Variants in SUGCT observed in about 807,000 individuals in gnomAD.
SUGCT encodes the protein succinyl-CoA:glutarate CoA-transferase.
In SUGCT, 41 loss-of-function variants were observed where a neutral mutation model predicts 55.0. The observed-to-expected ratio is 0.74, with a 90% confidence interval of 0.58 to 0.97. The LOEUF (loss-of-function observed/expected upper bound fraction) is 0.97. Ranked by LOEUF, SUGCT falls within the 50% of genes least tolerant of loss-of-function variation. The pLI, the probability that SUGCT is intolerant of heterozygous loss-of-function variation, is 0.00. For missense variants in SUGCT, 568 were observed against 547.8 expected (o/e 1.04, Z -0.37); for synonymous variants, 187 against 200.4 (o/e 0.93, Z 0.56).
intron 9 of SUGCT, among the ~76,000 whole-genome samples, chr7:40,385,920 TA>T (rs1165612291): frequency 6.6e-6 from 1 of 152,222 alleles, no homozygotes; most frequent in African/African-American, 2.4e-5. Flanking sequence ...TAACAATTGT[TA>T]GGGGGGATGG....
At chr7:40,572,069 A>G (rs17150948) in intron 12 of SUGCT, among the ~76,000 whole-genome samples, 2,862 of 152,210 alleles carry the variant, frequency 0.019, 93 homozygotes, top group African/African-American at 0.066. Context: ...GCTGTCCCGA[A>G]TGTGGCATCT....
chr7:40,723,933 A>G (rs903588596), intron 12 of SUGCT, among the ~76,000 whole-genome samples: 14 of 152,306 alleles, frequency 9.2e-5, no homozygotes, highest in Admixed American at 2.0e-4. Context: ...ATGGATCAAT[A>G]TTTGTGTATT....
At chr7:40,965,907 A>G in the SUGCT span, 1 of 152,346 alleles carries the variant, frequency 6.6e-6, no homozygotes, top group Non-Finnish European at 1.5e-5. Flanking sequence ...TCTAAAAAAA[A>G]TGGTAAGAAT....
chr7:40,739,472 C>T (rs1463249737), intron 12 of SUGCT, among the ~76,000 whole-genome samples: 1 of 152,036 alleles, frequency 6.6e-6, no homozygotes, highest in Non-Finnish European at 1.5e-5. Flanking sequence ...ATGGATGTAC[C>T]ATAGTTTTTC....
intron 7 of SUGCT, among the ~76,000 whole-genome samples, chr7:40,250,457 C>G (rs1790293190): frequency 6.6e-6 from 1 of 150,890 alleles, no homozygotes; most frequent in Non-Finnish European, 1.5e-5. Context: ...AAAACTGAAA[C>G]AATGTCAAAA....
chr7:40,169,105 T>C (rs1262925209), intron 1 of SUGCT, among the ~76,000 whole-genome samples: 2 of 152,174 alleles, frequency 1.3e-5, no homozygotes, highest in Non-Finnish European at 2.9e-5. Context: ...CATGGAGGAC[T>C]AGGTAAGCAC....
the SUGCT span, among the ~76,000 whole-genome samples, chr7:41,037,709 C>T: frequency 5.3e-5 from 8 of 151,420 alleles, no homozygotes; most frequent in Non-Finnish European, 7.4e-5. Flanking sequence ...CGTGGAAATG[C>T]CTCAGTTATC....
In SUGCT at chr7:40,620,230, C is replaced by T. The variant is rs1050045055; in HGVS notation, c.1089+123844C>T. Among the ~76,000 whole-genome samples, 45 of 152,302 alleles carry T rather than the reference C, an allele frequency of 3.0e-4. 1 individual carries two copies. Among genetic ancestry groups the T allele is most frequent in the Non-Finnish European group, 6.2e-4 (42 of 68,024 alleles). ...GCAAATACTAAAGATCAGGACTCTC[C>T]TATCACCCCAAAGAGCCATTTGTTA... On this transcript the variant is annotated intron_variant, in intron 12 of 13. Transcript: ENST00000335693.
intron 13 of SUGCT, among the ~76,000 whole-genome samples, chr7:40,763,293 G>A (rs1054298580): frequency 6.6e-6 from 1 of 152,110 alleles, no homozygotes; most frequent in East Asian, 1.9e-4. Context: ...GACTCTCGGG[G>A]TGTGGCATTA....
chr7:40,376,568 T>A (rs1784557353), intron 9 of SUGCT, among the ~76,000 whole-genome samples: 1 of 151,920 alleles, frequency 6.6e-6, no homozygotes. Context: ...ATTTTTCTAT[T>A]TTTAGTAGAG....
intron 13 of SUGCT, among the ~76,000 whole-genome samples, chr7:40,835,526 C>G (rs993920597): frequency 2.6e-5 from 4 of 152,166 alleles, no homozygotes; most frequent in African/African-American, 9.7e-5. Flanking sequence ...TACCTACATT[C>G]CATTCTATGC....
chr7:40,527,218 C>A (rs1378514120), intron 12 of SUGCT, among the ~76,000 whole-genome samples: 1 of 152,130 alleles, frequency 6.6e-6, no homozygotes, highest in East Asian at 1.9e-4. Flanking sequence ...AATTCTTTTT[C>A]AAATCAAAGG....
intron 9 of SUGCT, among the ~76,000 whole-genome samples, chr7:40,328,554 G>A (rs538114841): frequency 2.0e-4 from 31 of 152,238 alleles, no homozygotes; most frequent in Admixed American, 1.8e-3. Context: ...AAACCAAGTA[G>A]ACAGTTTTCT....
At chr7:40,291,678 T>C (rs952638460) in intron 8 of SUGCT, among the ~76,000 whole-genome samples, 143 of 151,202 alleles carry the variant, frequency 9.5e-4, no homozygotes, top group Non-Finnish European at 1.7e-3. Context: ...AAAAAATATA[T>C]ATATAGTAAT....
In SUGCT at chr7:40,444,666, C is replaced by A. The variant is rs574835837; in HGVS notation, c.817-4621C>A. Among the ~76,000 whole-genome samples, 5 of 152,272 alleles carry A rather than the reference C, an allele frequency of 3.3e-5. No individual in the cohort carries two copies. In the South Asian group the frequency reaches 1.0e-3, roughly 32 times the overall value. On this transcript the variant is annotated intron_variant, in intron 9 of 13. Transcript: ENST00000335693. Reference sequence around the variant, plus strand: ...TCTAAATATACAATCATGTCATCTGCAAACAGGGACAATTTGACTTCCTCT... The same window carrying A: ...TCTAAATATACAATCATGTCATCTGAAAACAGGGACAATTTGACTTCCTCT...
At chr7:40,956,486 T>C in the SUGCT span, among the ~76,000 whole-genome samples, 2 of 152,140 alleles carry the variant, frequency 1.3e-5, no homozygotes, top group African/African-American at 2.4e-5. Flanking sequence ...CCCTTTATCA[T>C]TTTCATTGTT....
At chr7:40,563,902 T>C (rs1214977300) in intron 12 of SUGCT, among the ~76,000 whole-genome samples, 1 of 152,142 alleles carries the variant, frequency 6.6e-6, no homozygotes, top group Non-Finnish European at 1.5e-5. Flanking sequence ...AAGTAGAGTA[T>C]ATAAAAAGTA....
chr7:41,006,934 G>T, the SUGCT span, among the ~76,000 whole-genome samples: 1 of 152,168 alleles, frequency 6.6e-6, no homozygotes, highest in Non-Finnish European at 1.5e-5. Flanking sequence ...AATGATTTCT[G>T]TAAGTTACAT....
At chr7:40,695,925 A>C (rs1392892433) in intron 12 of SUGCT, among the ~76,000 whole-genome samples, 1 of 152,160 alleles carries the variant, frequency 6.6e-6, no homozygotes, top group Admixed American at 6.5e-5. Flanking sequence ...GGAGATGATG[A>C]AACTGAGGTC....
Sources: allele counts gnomAD v4.1 joint callset (sites outside exome capture counted in the v4.1 genomes callset), GRCh38; gene constraint gnomAD v4.1.1; transcripts MANE v1.5; gene names NCBI Gene and HGNC (gene_info 2026-07-23, HGNC 2026-07-21).